Variants in TC2N observed in about 807,000 individuals in gnomAD.
The protein encoded by TC2N is tandem C2 domains, nuclear.
Under a neutral mutation model 61.9 loss-of-function variants are expected in TC2N, and 51 were observed. That is an observed-to-expected ratio of 0.82 (90% CI 0.66 to 1.04). The LOEUF (loss-of-function observed/expected upper bound fraction) is 1.04. TC2N is among the 50% of genes least tolerant of loss of function. The pLI is 0.00. For synonymous variants in TC2N, 204 were observed against 192.6 expected, an observed-to-expected ratio of 1.06 and a Z score of -0.49; for missense variants, 556 against 566.7, an observed-to-expected ratio of 0.98 and a Z score of 0.19.
intron 1 of TC2N, among the ~76,000 whole-genome samples, chr14:91,838,072 C>G (rs1365131546): frequency 6.6e-6 from 1 of 151,594 alleles, no homozygotes; most frequent in Non-Finnish European, 1.5e-5. Context: ...AACATACAGT[C>G]AAGATTTGAA....
chr14:91,860,240 C>G (rs1442106670), intron 1 of TC2N, among the ~76,000 whole-genome samples: 1 of 150,600 alleles, frequency 6.6e-6, no homozygotes, highest in African/African-American at 2.5e-5. Flanking sequence ...CCATAGCAGA[C>G]AGCAGCAATT....
At chr14:91,809,282 C>T (rs1453046910) in intron 3 of TC2N, among the ~76,000 whole-genome samples, 1 of 151,994 alleles carries the variant, frequency 6.6e-6, no homozygotes, top group African/African-American at 2.4e-5. Context: ...GTGGTGTGCA[C>T]CTGTAGTCCT....
intron 3 of TC2N, among the ~76,000 whole-genome samples, chr14:91,803,382 C>T (rs7155655): frequency 0.021 from 2,784 of 133,070 alleles, 86 homozygotes; most frequent in African/African-American, 0.073. Flanking sequence ...TACATATATA[C>T]ACACACACAC....
rs1668636288 is a variant in TC2N at position 91,867,463 on chromosome 14, T to C, written c.-258A>G. Reference sequence around the variant, plus strand: ...AGTCCCAAGGGAATCACCCTCTGTTTTATAAGCTTTGAAACCAGAGCATCC... The same window carrying C: ...AGTCCCAAGGGAATCACCCTCTGTTCTATAAGCTTTGAAACCAGAGCATCC... On this transcript the variant is annotated 5_prime_UTR_variant, in exon 1 of 12. It removes the in-frame stop codon of an upstream open reading frame in the 5' UTR. Transcript: ENST00000435962. The C allele has an allele frequency of 6.6e-6, 1 of 152,202 alleles. No individual in the cohort carries two copies. Among genetic ancestry groups the C allele is most frequent in the African/African-American group, 2.4e-5 (1 of 41,436 alleles). 9.4% of individuals were successfully genotyped at this position (152,202 alleles called of 1,614,324 possible).
chr14:91,858,856 C>T (rs1308702293), intron 1 of TC2N, among the ~76,000 whole-genome samples: 4 of 152,110 alleles, frequency 2.6e-5, no homozygotes, highest in Non-Finnish European at 4.4e-5. Flanking sequence ...TACACATGTT[C>T]CCAATTAACT....
chr14:91,809,548 G>A (rs1340595085), intron 3 of TC2N, among the ~76,000 whole-genome samples: 1 of 152,100 alleles, frequency 6.6e-6, no homozygotes, highest in Non-Finnish European at 1.5e-5. Flanking sequence ...GTAAAGAAAA[G>A]TAATACAGAT....
intron 1 of TC2N, among the ~76,000 whole-genome samples, chr14:91,859,670 C>T (rs747372139): frequency 4.3e-4 from 66 of 152,210 alleles, no homozygotes; most frequent in Middle Eastern, 3.4e-3. Context: ...AGAAGTGACT[C>T]CCTCTACACA....
In TC2N at chr14:91,854,010, C is replaced by T. The variant is rs534605963; in HGVS notation, c.-57+13252G>A. On this transcript the variant is annotated intron_variant, in intron 1 of 11. Transcript: ENST00000435962. ...GAGTCAAAATACAGAGTTTTAAAAA[C>T]TGATTTATAAACTTAAATTTAAAAA... Among the ~76,000 whole-genome samples, 79 of 152,090 alleles carry T rather than the reference C, an allele frequency of 5.2e-4. No homozygotes were observed. The Middle Eastern group carries it at 0.014, about 26-fold the overall frequency.
At chr14:91,815,662 T>A (rs1052328040) in intron 1 of TC2N, among the ~76,000 whole-genome samples, 1 of 151,644 alleles carries the variant, frequency 6.6e-6, no homozygotes, top group African/African-American at 2.4e-5. Context: ...AAAATAATTA[T>A]CAACTCATGG....
chr14:91,830,586 GT>G (rs377391362), intron 1 of TC2N, among the ~76,000 whole-genome samples: 4 of 151,896 alleles, frequency 2.6e-5, no homozygotes, highest in Middle Eastern at 3.4e-3. Context: ...TGGGTACAAG[GT>G]TTTTTTAGGA....
chr14:91,787,631 C>T lies in TC2N; in HGVS notation c.1048-4G>A. On this transcript the variant is annotated splice_region_variant and splice_polypyrimidine_tract_variant and intron_variant, in intron 9 of 11. Coordinates refer to ENST00000435962, the MANE Select transcript of TC2N (RefSeq NM_001128596.3). ...ATTCAAGTTCTGCATGGCAAACCTGCATATCAAAAAAGTGTCATTTGGTAG... is the reference window on the plus strand; with the variant it reads ...ATTCAAGTTCTGCATGGCAAACCTGTATATCAAAAAAGTGTCATTTGGTAG... 6.4e-7 allele frequency: 1 copy of T among 1,555,424 alleles called. No homozygotes were observed. The highest frequency in any genetic ancestry group is 1.4e-5 in the African/African-American group (1 of 72,946).
chr14:91,800,865 G>C (rs1195699454), intron 4 of TC2N, among the ~76,000 whole-genome samples: 1 of 151,912 alleles, frequency 6.6e-6, no homozygotes, highest in East Asian at 1.9e-4. Context: ...GCACAGTAGT[G>C]AACGTAAGGC....
intron 1 of TC2N, among the ~76,000 whole-genome samples, chr14:91,848,543 T>C (rs1025224126): frequency 2.0e-5 from 3 of 152,234 alleles, no homozygotes; most frequent in African/African-American, 7.2e-5. Context: ...AAATGCACTA[T>C]CCAACTTCTG....
chr14:91,825,760 T>A (rs1887468235), intron 1 of TC2N, among the ~76,000 whole-genome samples: 1 of 152,196 alleles, frequency 6.6e-6, no homozygotes, highest in South Asian at 2.1e-4. Flanking sequence ...ACATGCCATA[T>A]CTAAATTAGC....
At chr14:91,803,428 C>CAT (rs3030729) in intron 3 of TC2N, among the ~76,000 whole-genome samples, 123,317 of 147,096 alleles carry the variant, frequency 0.84, 53,719 homozygotes, top group Non-Finnish European at 0.95. Flanking sequence ...CACACACACA[C>CAT]ATATATATAT....
At chr14:91,865,311 A>G (rs991825176) in intron 1 of TC2N, among the ~76,000 whole-genome samples, 9 of 151,986 alleles carry the variant, frequency 5.9e-5, no homozygotes, top group Admixed American at 1.3e-4. Context: ...CATCCCCGCA[A>G]AAGCTACCAA....
intron 8 of TC2N, among the ~76,000 whole-genome samples, chr14:91,794,920 A>G (rs1056105464): frequency 6.6e-6 from 1 of 152,198 alleles, no homozygotes; most frequent in African/African-American, 2.4e-5. Flanking sequence ...TTTAGAAAGG[A>G]TTCAGGATTT....
At chr14:91,812,281 G>A (rs200283981) in intron 3 of TC2N, 31 bp downstream of exon 3, 15 of 1,267,894 alleles carry the variant, frequency 1.2e-5, no homozygotes, top group Middle Eastern at 2.3e-4. Flanking sequence ...GCTACATATC[G>A]ATTTTTAAAT....
intron 8 of TC2N, 120 bp from the exon 9 acceptor site, chr14:91,792,678 C>A: frequency 2.1e-6 from 1 of 486,600 alleles, no homozygotes; most frequent in Non-Finnish European, 3.4e-6. Flanking sequence ...AACAAAACAT[C>A]TTTTTAATGT....
Sources: gnomAD v4.1 joint callset for allele counts (sites outside exome capture counted in the v4.1 genomes callset) on GRCh38, gnomAD v4.1.1 for gene constraint, MANE v1.5 for transcripts, NCBI Gene and HGNC (gene_info 2026-07-23, HGNC 2026-07-21) for gene names.